The following LHFPL2 variants were observed in gnomAD, a reference collection of about 807,000 sequenced individuals.
LHFPL2 encodes the protein LHFPL tetraspan subfamily member 2.
Under a neutral mutation model 17.5 loss-of-function variants are expected in LHFPL2, and 7 were observed. The ratio of observed to expected loss-of-function variants is 0.40; its 90% CI spans 0.23 to 0.75. The LOEUF (loss-of-function observed/expected upper bound fraction) is 0.75, where lower values mean the gene tolerates loss of function less well. Ranked by LOEUF, LHFPL2 falls within the 30% of genes least tolerant of loss-of-function variation. The probability of loss-of-function intolerance (pLI) is 0.37; values close to 1 mark genes in which losing one functional copy is unlikely to be tolerated. For missense variants in LHFPL2, 241 were observed against 294.8 expected (o/e 0.82, Z 1.34); for synonymous variants, 134 against 116.2 (o/e 1.15, Z -0.99).
chr5:78,530,569 A>G (rs1755751389), intron 3 of LHFPL2, among the ~76,000 whole-genome samples: 2 of 152,206 alleles, frequency 1.3e-5, no homozygotes, highest in Admixed American at 1.3e-4. Flanking sequence ...ACAGCAACTG[A>G]TAAGGCCTTG....
rs1367505095 is a variant in LHFPL2 at position 78,487,511 on chromosome 5, G to A, written c.*1386C>T. ...CCATCTCACTTTCTTAAAGTGCTAA[G>A]GAGTGTTTCTGTATCATGATACAAT... On this transcript the variant is annotated 3_prime_UTR_variant, in exon 5 of 5. Transcript: ENST00000380345. 4 of 152,186 alleles carry A rather than the reference G, an allele frequency of 2.6e-5. No homozygotes were observed. 9.4% of individuals were successfully genotyped at this position (152,186 alleles called of 1,614,324 possible). A position where few individuals can be genotyped will look rare whatever the true frequency, so the allele number is the denominator to read the frequency against.
At chr5:78,600,896 C>G (rs1458748869) in intron 2 of LHFPL2, among the ~76,000 whole-genome samples, 1 of 152,078 alleles carries the variant, frequency 6.6e-6, no homozygotes, top group Admixed American at 6.5e-5. Flanking sequence ...AGCAGATGAC[C>G]AGGACAATGT....
intron 2 of LHFPL2, among the ~76,000 whole-genome samples, chr5:78,609,585 TC>T (rs1478285756): frequency 6.7e-6 from 1 of 148,942 alleles, no homozygotes; most frequent in Non-Finnish European, 1.5e-5. Flanking sequence ...ACTACCACAA[TC>T]CATTGTGAAG....
At chr5:78,531,125 T>G (rs1755769663) in intron 3 of LHFPL2, among the ~76,000 whole-genome samples, 1 of 152,172 alleles carries the variant, frequency 6.6e-6, no homozygotes, top group Non-Finnish European at 1.5e-5. Flanking sequence ...AATTTAAAAA[T>G]TCACAATGAG....
chr5:78,540,498 C>G (rs1756078116), intron 3 of LHFPL2, among the ~76,000 whole-genome samples: 2 of 152,206 alleles, frequency 1.3e-5, no homozygotes, highest in African/African-American at 2.4e-5. Context: ...TTTTAGGAAC[C>G]ACCATAGCCT....
At chr5:78,508,804 T>C (rs1049246073) in intron 4 of LHFPL2, among the ~76,000 whole-genome samples, 6 of 152,246 alleles carry the variant, frequency 3.9e-5, no homozygotes, top group Non-Finnish European at 5.9e-5. Context: ...TTTGTCCTGT[T>C]AGAGTCTAGA....
chr5:78,572,472 G>GTA (rs921452123), intron 2 of LHFPL2, among the ~76,000 whole-genome samples: 7 of 148,174 alleles, frequency 4.7e-5, no homozygotes. Context: ...ATATACATGT[G>GTA]TATATATATG....
At chr5:78,576,266 G>A (rs1757133378) in intron 2 of LHFPL2, among the ~76,000 whole-genome samples, 1 of 151,054 alleles carries the variant, frequency 6.6e-6, no homozygotes, top group Non-Finnish European at 1.5e-5. Flanking sequence ...CTGCACTCCA[G>A]CCTGGGCAAC....
chr5:78,530,772 T>C (rs1051385069), intron 3 of LHFPL2, among the ~76,000 whole-genome samples: 2 of 152,202 alleles, frequency 1.3e-5, no homozygotes, highest in African/African-American at 4.8e-5. Flanking sequence ...TATGAAGATA[T>C]GACTGCCCAT....
intron 3 of LHFPL2, among the ~76,000 whole-genome samples, chr5:78,520,724 T>A (rs1755427847): frequency 6.6e-6 from 1 of 152,212 alleles, no homozygotes; most frequent in Non-Finnish European, 1.5e-5. Flanking sequence ...TCATATGTTT[T>A]TTTTCCTGGG....
intron 3 of LHFPL2, among the ~76,000 whole-genome samples, chr5:78,546,927 T>C (rs1309196834): frequency 6.6e-6 from 1 of 152,148 alleles, no homozygotes; most frequent in Non-Finnish European, 1.5e-5. Flanking sequence ...TTGCAAACTT[T>C]CTTTTTGAGC....
chr5:78,630,271 C>T (rs1745193846), intron 2 of LHFPL2, among the ~76,000 whole-genome samples: 2 of 152,214 alleles, frequency 1.3e-5, no homozygotes, highest in Admixed American at 1.3e-4. Context: ...GGCACTCTCC[C>T]TGCATGGGGC....
intron 2 of LHFPL2, among the ~76,000 whole-genome samples, chr5:78,614,476 GC>G (rs2112490306): frequency 6.6e-6 from 1 of 152,342 alleles, no homozygotes; most frequent in African/African-American, 2.4e-5. Flanking sequence ...AATTAGAAAA[GC>G]AGTGTTAAAT....
At chr5:78,556,163 A>G (rs1756567350) in intron 3 of LHFPL2, among the ~76,000 whole-genome samples, 1 of 152,214 alleles carries the variant, frequency 6.6e-6, no homozygotes, top group African/African-American at 2.4e-5. Context: ...TGATACTTCC[A>G]CACCTGACTT....
chr5:78,629,998 A>G (rs566689646), intron 2 of LHFPL2, among the ~76,000 whole-genome samples: 1 of 152,258 alleles, frequency 6.6e-6, no homozygotes, highest in Non-Finnish European at 1.5e-5. Flanking sequence ...AGAAGCTTTA[A>G]GGAGATTCAG....
At chr5:78,561,565 T>C (rs771318124) in intron 3 of LHFPL2, among the ~76,000 whole-genome samples, 2 of 152,194 alleles carry the variant, frequency 1.3e-5, no homozygotes, top group Non-Finnish European at 2.9e-5. Flanking sequence ...TGGTCCAAAC[T>C]TGCATAACAT....
intron 2 of LHFPL2, among the ~76,000 whole-genome samples, chr5:78,582,143 T>G (rs1283769628): frequency 5.3e-5 from 8 of 152,246 alleles, no homozygotes; most frequent in Non-Finnish European, 1.2e-4. Flanking sequence ...GATACCCCTT[T>G]ATCATTTTTT....
intron 2 of LHFPL2, among the ~76,000 whole-genome samples, chr5:78,595,686 A>G (rs1366182204): frequency 6.6e-6 from 1 of 152,000 alleles, no homozygotes; most frequent in African/African-American, 2.4e-5. Context: ...TAATTTTTTA[A>G]AATTTTTTTT....
intron 3 of LHFPL2, among the ~76,000 whole-genome samples, chr5:78,523,243 C>T (rs555935872): frequency 1.3e-5 from 2 of 152,284 alleles, no homozygotes; most frequent in South Asian, 4.1e-4. Flanking sequence ...AATTAAAACT[C>T]ACCTTATGTT....
Sources: gnomAD v4.1 joint callset for allele counts (sites outside exome capture counted in the v4.1 genomes callset) on GRCh38, gnomAD v4.1.1 for gene constraint, MANE v1.5 for transcripts, NCBI Gene and HGNC (gene_info 2026-07-23, HGNC 2026-07-21) for gene names.